The following MYOM3 variants were observed in gnomAD, a reference collection of about 807,000 sequenced individuals.
MYOM3 encodes myomesin-3.
A neutral mutation model predicts 191.7 loss-of-function variants in MYOM3; 155 were observed. That is an observed-to-expected ratio of 0.81 (90% CI 0.71 to 0.92). MYOM3 has a LOEUF of 0.92. Ranked by LOEUF, MYOM3 falls within the 40% of genes least tolerant of loss-of-function variation. The pLI is 0.00. For missense variants in MYOM3, 1,889 were observed against 1,890.6 expected, an observed-to-expected ratio of 1.00 and a Z score of 0.02; for synonymous variants, 757 against 762.9, an observed-to-expected ratio of 0.99 and a Z score of 0.13.
At position 24,107,980 on chromosome 1, in the gene MYOM3, T is replaced by C. The variant is rs1335973893; in HGVS notation, c.242+13A>G. The C allele has an allele frequency of 6.2e-7, 1 of 1,610,546 alleles. No individual in the cohort carries two copies. The highest frequency in any genetic ancestry group is 8.5e-7 in the Non-Finnish European group (1 of 1,178,350). On this transcript the variant is annotated intron_variant, in intron 3 of 36. Transcript: ENST00000374434. ...CCTCAGCCACGGCTCCCTGGGAAGC[T>C]TCTCTGACTCACCAAGACAGCTCGG...
At position 24,056,461 on chromosome 1, in the gene MYOM3, C is replaced by A. The variant is rs540396371; in HGVS notation, c.*903G>T. 6 of 152,346 alleles carry A rather than the reference C, an allele frequency of 3.9e-5. No individual in the cohort carries two copies. The South Asian group carries it at 6.2e-4, about 16-fold the overall frequency. 9.4% of individuals were successfully genotyped at this position (152,346 alleles called of 1,614,324 possible). A position where few individuals can be genotyped will look rare whatever the true frequency, so the allele number is the denominator to read the frequency against. On this transcript the variant is annotated 3_prime_UTR_variant, in exon 37 of 37. Coordinates refer to ENST00000374434, the MANE Select transcript of MYOM3 (RefSeq NM_152372.4). ...TTGGCTCATCACAACCTCCGCCTCC[C>A]AGGTTCAACGGATTCTCCCACCTCG...
intron 6 of MYOM3, among the ~76,000 whole-genome samples, chr1:24,098,476 T>C (rs1165157114): frequency 2.0e-5 from 3 of 152,250 alleles, no homozygotes; most frequent in Non-Finnish European, 4.4e-5. Flanking sequence ...TTCCCAGTCT[T>C]AGGTGTGGGT....
intron 5 of MYOM3, among the ~76,000 whole-genome samples, chr1:24,102,431 C>G (rs149873812): frequency 5.3e-5 from 8 of 152,026 alleles, no homozygotes; most frequent in African/African-American, 1.2e-4. Context: ...CTGGCATGGC[C>G]GAGACAGCTG....
intron 5 of MYOM3, 50 bp from the exon 6 acceptor site, chr1:24,099,825 G>C: frequency 1.5e-6 from 2 of 1,378,004 alleles, no homozygotes; most frequent in Non-Finnish European, 2.1e-6. Flanking sequence ...TAAGCGGGAG[G>C]GGTCTGGAGC....
At chr1:24,065,851 C>T (rs577766638) in intron 29 of MYOM3, 40 bp downstream of exon 29, 3 of 1,479,992 alleles carry the variant, frequency 2.0e-6, no homozygotes, top group Admixed American at 1.7e-5. Context: ...GGCTTGCAGC[C>T]AAAGGAGAAA....
intron 36 of MYOM3, 136 bp downstream of exon 36, chr1:24,058,788 T>C: frequency 1.5e-6 from 1 of 677,032 alleles, no homozygotes; most frequent in Non-Finnish European, 2.7e-6. Context: ...TTGTACCACA[T>C]GTCATCAATG....
chr1:24,103,750 C>T (rs1180947966), intron 5 of MYOM3, among the ~76,000 whole-genome samples: 3 of 149,332 alleles, frequency 2.0e-5, no homozygotes, highest in Admixed American at 6.6e-5. Context: ...TGATGTAATG[C>T]GTGTCTTAAT....
rs773071598 is a variant in MYOM3, at chr1:24,061,930, T to C, written c.3934+16A>G. On this transcript the variant is annotated intron_variant, in intron 33 of 36. Coordinates refer to ENST00000374434, the MANE Select transcript of MYOM3 (RefSeq NM_152372.4). ...TTCTAAGCAGGTTTCCCTGCAGACA[T>C]AGGTGGATGGCTCACCTTGCCCTGA... 2.5e-5 allele frequency: 40 copies of C among 1,614,034 alleles called. 1 individual carries two copies. In the East Asian group the frequency reaches 3.3e-4, roughly 13 times the overall value.
Position 24,062,036 on chromosome 1 carries a change from C to A in MYOM3, c.3844G>T (p.Asp1282Tyr). The change falls in exon 33 of 37, where the codon GAC (aspartate) becomes TAC (tyrosine). Residue 1282 changes from aspartate (D) to tyrosine (Y), a missense_variant. Asp to Tyr is a radical substitution (Grantham distance 160). Transcript: ENST00000374434. Reference protein sequence around the residue: ...TLDEIWLHILDPKDSDKGKYT... With the variant: ...TLDEIWLHILYPKDSDKGKYT... Reference sequence around the variant, plus strand: ...TTGCCCTTGTCTGAGTCTTTGGGGTCCAGGATGTGAAGCCAGATCTCATCC... The same window carrying A: ...TTGCCCTTGTCTGAGTCTTTGGGGTACAGGATGTGAAGCCAGATCTCATCC... The A allele has an allele frequency of 6.2e-7, 1 of 1,614,138 alleles. No individual in the cohort carries two copies. The highest frequency in any genetic ancestry group is 1.1e-5 in the South Asian group (1 of 91,070).
Position 24,082,682 on chromosome 1 carries a change from T to A in MYOM3, c.2003A>T (p.Glu668Val), listed in dbSNP as rs752163053. ...FTVPGLRTGK[E>V]YEFCVRSVSE... ...GACTGACCTGACACAAAACTCGTAC[T>A]CCTTCCCCGTCCTCAGCCCGGGAAC... Residue 668 changes from glutamate to valine, a missense_variant, in exon 17 of 37, where the codon GAG becomes GTG. By Grantham distance (121) the Glu-to-Val change is moderately radical. Transcript: ENST00000374434. The A allele has an allele frequency of 3.1e-6, 5 of 1,611,242 alleles. No individual in the cohort carries two copies. Among genetic ancestry groups the A allele is most frequent in the Non-Finnish European group, 4.2e-6 (5 of 1,178,934 alleles).
In MYOM3 at chr1:24,062,064, G is replaced by T. The variant is rs1281517564; in HGVS notation, c.3816C>A (p.Thr1272=). 1 of 1,614,142 alleles carries T rather than the reference G, an allele frequency of 6.2e-7. No individual in the cohort carries two copies. Among genetic ancestry groups the T allele is most frequent in the Admixed American group, 1.7e-5 (1 of 59,996 alleles). The part of the protein sequence containing the change: ...ESGDRIRTGT[T]LDEIWLHILD... Reference sequence around the variant, plus strand: ...GGATGTGAAGCCAGATCTCATCCAGGGTGGTGCCCGTCCTTATCCGATCAC... The same window carrying T: ...GGATGTGAAGCCAGATCTCATCCAGTGTGGTGCCCGTCCTTATCCGATCAC... Residue 1272 remains threonine, a synonymous_variant, in exon 33 of 37, where the codon ACC becomes ACA. Coordinates refer to ENST00000374434, the MANE Select transcript of MYOM3 (RefSeq NM_152372.4).
In MYOM3 at chr1:24,108,608, G is replaced by A. The variant is rs771222841; in HGVS notation, c.29C>T (p.Ala10Val). The change falls in exon 2 of 37, where the codon GCG becomes GTG. Residue 10 changes from alanine to valine, a missense_variant. Transcript: ENST00000374434. ...GGCCTGGGGGGGCCGGGGGTCCCCC[G>A]CACCTCCCAAGCTGTGCGGCAGAGT... MTLPHSLGG[A>V]GDPRPPQAME... 5.7e-6 allele frequency: 9 copies of A among 1,566,940 alleles called. No individual in the cohort carries two copies. Among genetic ancestry groups the A allele is most frequent in the East Asian group, 4.7e-5 (2 of 42,408 alleles).
chr1:24,071,311 CT>C, intron 24 of MYOM3, 58 bp from the exon 25 acceptor site: 1 of 1,549,494 alleles, frequency 6.5e-7, no homozygotes, highest in Admixed American at 1.9e-5. Context: ...TTCCCGCTCC[CT>C]TCCAGCCCCA....
chr1:24,109,093 G>A (rs1206577702), intron 1 of MYOM3, among the ~76,000 whole-genome samples: 2 of 152,164 alleles, frequency 1.3e-5, no homozygotes, highest in Admixed American at 1.3e-4. Flanking sequence ...TTCCTGCACC[G>A]GCCATGTTCA....
chr1:24,092,065 G>T (rs1475939789), intron 11 of MYOM3, 109 bp downstream of exon 11: 9 of 1,087,802 alleles, frequency 8.3e-6, no homozygotes, highest in Non-Finnish European at 1.1e-5. Context: ...GAGGAGCGGG[G>T]GTGTGAGGGT....
At position 24,081,310 on chromosome 1, in the gene MYOM3, C is replaced by A; in HGVS notation, c.2407+20G>T. 3 of 1,612,598 alleles carry A rather than the reference C, an allele frequency of 1.9e-6. No individual in the cohort carries two copies. Among genetic ancestry groups the A allele is most frequent in the Non-Finnish European group, 2.5e-6 (3 of 1,179,654 alleles). The stretch of plus-strand genomic sequence containing the variant: ...GGAGGGAAGGGCAGGCACTGGACTT[C>A]AGGCCTGCAGGCCTCTCACCTGGCT... On this transcript the variant is annotated intron_variant, in intron 19 of 36. Coordinates refer to ENST00000374434, the MANE Select transcript of MYOM3 (RefSeq NM_152372.4).
chr1:24,080,863 G>A (rs6666673), intron 19 of MYOM3, among the ~76,000 whole-genome samples: 61,209 of 151,636 alleles, frequency 0.4, 12,598 homozygotes, highest in Non-Finnish European at 0.43. Context: ...TCAGTGGGAG[G>A]TGAGGGGCTC....
rs1297957782 is a variant in MYOM3 at position 24,086,697 on chromosome 1, C to T, written c.1745G>A (p.Gly582Asp). 1.2e-6 allele frequency: 2 copies of T among 1,614,164 alleles called. No individual in the cohort carries two copies. The highest frequency in any genetic ancestry group is 1.7e-5 in the Admixed American group (1 of 60,020). Residue 582 changes from glycine to aspartate, a missense_variant, in exon 15 of 37, where the codon GGC becomes GAC. Transcript: ENST00000374434. ...VFRVRAMNQYGLSDPSEPSEP... is the reference protein window; with the variant it reads ...VFRVRAMNQYDLSDPSEPSEP... ...GCTGGGCTCCGAGGGATCGCTCAGG[C>T]CATACTGGTTCATTGCTCGCACTCT... is the stretch of plus-strand genomic sequence containing the variant.
Position 24,097,321 on chromosome 1 carries a change from G to T in MYOM3, c.745+602C>A, listed in dbSNP as rs551400378. Among the ~76,000 whole-genome samples the T allele has an allele frequency of 9.2e-5, 14 of 152,322 alleles. No individual in the cohort carries two copies. In the East Asian group the frequency reaches 1.2e-3, roughly 13 times the overall value. ...GCATGCTCTTTGGCATGGCGGGCAG[G>T]TGGGTTCGCCTTGAATAACTGTGTA... On this transcript the variant is annotated intron_variant, in intron 7 of 36. Transcript: ENST00000374434.
Sources: allele counts gnomAD v4.1 joint callset (sites outside exome capture counted in the v4.1 genomes callset), GRCh38; gene constraint gnomAD v4.1.1; transcripts MANE v1.5; gene names NCBI Gene and HGNC (gene_info 2026-07-23, HGNC 2026-07-21).